SLIT2: variants seen among roughly 807,000 people sequenced by gnomAD.
SLIT2 encodes slit homolog 2 protein.
Under a neutral mutation model 185.7 loss-of-function variants are expected in SLIT2, and 41 were observed. The observed-to-expected ratio is 0.22, with a 90% CI of 0.17 to 0.29. SLIT2 has a LOEUF of 0.29. SLIT2 is among the 10% of genes least tolerant of loss of function. The pLI, the probability that SLIT2 is intolerant of heterozygous loss-of-function variation, is 1.00. For synonymous variants in SLIT2, 693 were observed against 680.2 expected (o/e 1.02, Z -0.29); for missense variants, 1,571 against 1,909.0 (o/e 0.82, Z 3.30).
chr4:20,341,713 G>A (rs1394643635), intron 4 of SLIT2, among the ~76,000 whole-genome samples: 2 of 152,194 alleles, frequency 1.3e-5, no homozygotes, highest in East Asian at 3.9e-4. Context: ...GCCATTTAAC[G>A]CATTATTGAC....
chr4:20,285,900 G>A (rs1331164261), intron 4 of SLIT2, among the ~76,000 whole-genome samples: 2 of 152,320 alleles, frequency 1.3e-5, no homozygotes, highest in African/African-American at 4.8e-5. Context: ...TTTTCTGACT[G>A]GAGGAAGTGG....
At chr4:20,295,246 A>G (rs1219871103) in intron 4 of SLIT2, among the ~76,000 whole-genome samples, 1 of 152,204 alleles carries the variant, frequency 6.6e-6, no homozygotes, top group Non-Finnish European at 1.5e-5. Context: ...GATTAACTGG[A>G]ATTTCTTTGC....
chr4:20,518,557 G>GTATATATA (rs1159322360), intron 11 of SLIT2, among the ~76,000 whole-genome samples: 320 of 17,834 alleles, frequency 0.018, 10 homozygotes, highest in East Asian at 0.039. Context: ...CAGCCTATAT[G>GTATATATA]TATATATATA....
intron 4 of SLIT2, among the ~76,000 whole-genome samples, chr4:20,420,303 C>T (rs1728073567): frequency 6.6e-6 from 1 of 152,056 alleles, no homozygotes; most frequent in Non-Finnish European, 1.5e-5. Context: ...TGTTTAGTTC[C>T]AAGAAGCCTT....
intron 4 of SLIT2, among the ~76,000 whole-genome samples, chr4:20,421,793 A>G (rs1006218608): frequency 6.6e-6 from 1 of 152,204 alleles, no homozygotes; most frequent in African/African-American, 2.4e-5. Context: ...GCATTTTGCA[A>G]TTCTTAACGG....
intron 4 of SLIT2, among the ~76,000 whole-genome samples, chr4:20,320,610 C>G (rs1174842673): frequency 2.6e-5 from 4 of 152,074 alleles, no homozygotes; most frequent in Non-Finnish European, 4.4e-5. Flanking sequence ...TTCCTTATCC[C>G]CACTACTCCC....
chr4:20,484,122 T>C lies in SLIT2; in HGVS notation c.540-2078T>C, dbSNP rs1201282554. On this transcript the variant is annotated intron_variant, in intron 6 of 36. Coordinates refer to ENST00000504154, the MANE Select transcript of SLIT2 (RefSeq NM_004787.4). This position sits in a 1 kb window ranked among gnomAD's most constrained non-coding sequence, Gnocchi z 4.3. ...ATGAAAGTTTTCCTTTGCATGGAGA[T>C]ATAAGAAACTATAGTTCAAAATTAA... Among the ~76,000 whole-genome samples the C allele has an allele frequency of 1.3e-5, 2 of 152,102 alleles. No individual in the cohort carries two copies. Among genetic ancestry groups the C allele is most frequent in the Non-Finnish European group, 2.9e-5 (2 of 67,984 alleles).
At chr4:20,430,308 G>T (rs1048362163) in intron 4 of SLIT2, among the ~76,000 whole-genome samples, 1 of 152,116 alleles carries the variant, frequency 6.6e-6, no homozygotes, top group Non-Finnish European at 1.5e-5. Context: ...ATAATTACTT[G>T]CTATTATGCC....
chr4:20,292,353 AT>A (rs1716037937), intron 4 of SLIT2, among the ~76,000 whole-genome samples: 1 of 152,156 alleles, frequency 6.6e-6, no homozygotes, highest in East Asian at 1.9e-4. Flanking sequence ...GAGCTTCAGT[AT>A]TTTCTTTTGT....
intron 4 of SLIT2, among the ~76,000 whole-genome samples, chr4:20,460,190 G>C (rs530902147): frequency 6.6e-6 from 1 of 150,772 alleles, no homozygotes; most frequent in African/African-American, 2.4e-5. Flanking sequence ...TTTTTTCCCT[G>C]CCTCCCTTGC....
intron 4 of SLIT2, among the ~76,000 whole-genome samples, chr4:20,384,440 T>G (rs1157700576): frequency 6.6e-6 from 1 of 152,156 alleles, no homozygotes; most frequent in Non-Finnish European, 1.5e-5. Flanking sequence ...TCATGACAGT[T>G]TTAGTGGTTA....
chr4:20,579,154 G>A (rs897132111), intron 29 of SLIT2, among the ~76,000 whole-genome samples: 1 of 151,790 alleles, frequency 6.6e-6, no homozygotes. Flanking sequence ...AAAAAAATCA[G>A]CTGGGCGTGG....
intron 4 of SLIT2, among the ~76,000 whole-genome samples, chr4:20,290,934 A>G (rs908302105): frequency 1.2e-4 from 18 of 152,102 alleles, no homozygotes; most frequent in Admixed American, 1.1e-3. Flanking sequence ...TCCTTCTTTT[A>G]GGGCTAAGCT....
chr4:20,397,111 A>T (rs1300974322), intron 4 of SLIT2, among the ~76,000 whole-genome samples: 1 of 151,740 alleles, frequency 6.6e-6, no homozygotes, highest in Non-Finnish European at 1.5e-5. Context: ...TTCATTTATT[A>T]GTTAAACTCA....
chr4:20,520,162 A>G (rs1203474601), intron 12 of SLIT2, among the ~76,000 whole-genome samples: 1 of 152,186 alleles, frequency 6.6e-6, no homozygotes, highest in Non-Finnish European at 1.5e-5. Context: ...TGTAACACAC[A>G]ATAGTCCTCA....
intron 28 of SLIT2, 106 bp downstream of exon 28, chr4:20,567,721 A>T: frequency 2.3e-6 from 2 of 865,526 alleles, no homozygotes; most frequent in Non-Finnish European, 3.8e-6. Context: ...TTTTCAAAGA[A>T]TTTGAGAGAA....
intron 29 of SLIT2, among the ~76,000 whole-genome samples, chr4:20,587,428 A>G (rs753699133): frequency 6.6e-6 from 1 of 152,132 alleles, no homozygotes; most frequent in South Asian, 2.1e-4. Flanking sequence ...GATTATTGCT[A>G]TTTTGCTACT....
At position 20,542,623 on chromosome 4, in the gene SLIT2, A is replaced by G. The variant is rs1436335561; in HGVS notation, c.2273A>G (p.Glu758Gly). ...AAAGGTATTCCAAGAGATGTCACAG[A>G]GTTGTAAGTAGAGCTTGTCTTTCTT... ...LPKGIPRDVT[E>G]LYLDGNQFTL... Residue 758 changes from glutamate to glycine, a missense_variant, in exon 21 of 37, where the codon GAG becomes GGG. Physicochemically the swap from Glu to Gly is moderately conservative, Grantham distance 98. This residue lies in a region of SLIT2 where 1,202 missense variants were observed against 1,416.4 expected (regional missense o/e 0.85). Transcript: ENST00000504154. The G allele has an allele frequency of 1.2e-6, 2 of 1,613,274 alleles. No homozygotes were observed. Among genetic ancestry groups the G allele is most frequent in the Admixed American group, 3.3e-5 (2 of 59,946 alleles).
At chr4:20,376,115 CTTTTTTT>C (rs71653881) in intron 4 of SLIT2, among the ~76,000 whole-genome samples, 7 of 79,666 alleles carry the variant, frequency 8.8e-5, no homozygotes, top group South Asian at 4.9e-4. Context: ...CATTGTTTAA[CTTTTTTT>C]TTTTTTTTTT....
Sources: gnomAD v4.1 joint callset for allele counts (sites outside exome capture counted in the v4.1 genomes callset) on GRCh38, gnomAD v4.1.1 for gene constraint, gnomAD v4.1.1 regional missense constraint, Gnocchi (gnomAD v3.1) non-coding constraint, MANE v1.5 for transcripts, NCBI Gene and HGNC (gene_info 2026-07-23, HGNC 2026-07-21) for gene names.